The following KCNB2 variants were observed in gnomAD, a reference collection of about 807,000 sequenced individuals.
KCNB2 encodes potassium voltage-gated channel subfamily B member 2, also known as delayed rectifier potassium channel protein.
Under a neutral mutation model 61.5 loss-of-function variants are expected in KCNB2, and 15 were observed. That is an observed-to-expected ratio of 0.24 (90% confidence interval 0.16 to 0.38). The LOEUF (loss-of-function observed/expected upper bound fraction) is 0.38. Among genes scored for constraint, KCNB2 ranks in the 10% least tolerant of loss-of-function variants. The pLI is 1.00. For missense variants in KCNB2, 828 were observed against 1,125.2 expected, an observed-to-expected ratio of 0.74 and a Z score of 3.78; for synonymous variants, 457 against 446.0, an observed-to-expected ratio of 1.02 and a Z score of -0.31.
intron 2 of KCNB2, among the ~76,000 whole-genome samples, chr8:72,871,861 C>T (rs138983174): frequency 6.6e-6 from 1 of 152,194 alleles, no homozygotes; most frequent in East Asian, 1.9e-4. Flanking sequence ...TATAGGAGAT[C>T]CAGTAGAATA....
chr8:72,604,262 A>G (rs961089410), intron 2 of KCNB2, among the ~76,000 whole-genome samples: 3 of 152,154 alleles, frequency 2.0e-5, no homozygotes, highest in Admixed American at 2.0e-4. Context: ...CCTATACACA[A>G]TGAATGCTCC....
At chr8:72,772,668 G>A (rs1363864229) in intron 2 of KCNB2, among the ~76,000 whole-genome samples, 1 of 152,122 alleles carries the variant, frequency 6.6e-6, no homozygotes, top group Admixed American at 6.5e-5. Flanking sequence ...CTGTAGTGTG[G>A]TGGTAGGAAA....
chr8:72,722,596 G>A (rs1807570291), intron 2 of KCNB2, among the ~76,000 whole-genome samples: 1 of 152,178 alleles, frequency 6.6e-6, no homozygotes, highest in Non-Finnish European at 1.5e-5. Flanking sequence ...ATCAGTGTCT[G>A]TAAGCTCCAG....
intron 2 of KCNB2, among the ~76,000 whole-genome samples, chr8:72,788,956 G>C (rs1283648438): frequency 6.6e-6 from 1 of 152,030 alleles, no homozygotes; most frequent in East Asian, 1.9e-4. Flanking sequence ...TATCTTTATT[G>C]ATTCTTCCAT....
At chr8:72,824,761 G>C (rs1470417666) in intron 2 of KCNB2, among the ~76,000 whole-genome samples, 1 of 152,168 alleles carries the variant, frequency 6.6e-6, no homozygotes, top group Non-Finnish European at 1.5e-5. Context: ...GACCTGCAAT[G>C]AAGGAGGGAG....
chr8:72,577,676 C>G (rs1317694030), intron 2 of KCNB2, among the ~76,000 whole-genome samples: 1 of 152,192 alleles, frequency 6.6e-6, no homozygotes, highest in African/African-American at 2.4e-5. Context: ...ACTCGTGATG[C>G]AACCCCAAGT....
chr8:72,711,062 T>A (rs2128991810), intron 2 of KCNB2, among the ~76,000 whole-genome samples: 1 of 152,368 alleles, frequency 6.6e-6, no homozygotes, highest in South Asian at 2.1e-4. Context: ...GCAGAGGGGC[T>A]CTTCTGAGCA....
chr8:72,771,165 G>C (rs977788478), intron 2 of KCNB2, among the ~76,000 whole-genome samples: 1 of 152,174 alleles, frequency 6.6e-6, no homozygotes, highest in East Asian at 1.9e-4. Flanking sequence ...AATTAAGGAA[G>C]GGATACATTA....
At chr8:72,836,092 A>C (rs963575037) in intron 2 of KCNB2, among the ~76,000 whole-genome samples, 4 of 152,228 alleles carry the variant, frequency 2.6e-5, no homozygotes, top group African/African-American at 9.6e-5. Context: ...TGCCACATCT[A>C]TTCCACTTCT....
chr8:72,726,681 T>C (rs916434624), intron 2 of KCNB2, among the ~76,000 whole-genome samples: 1 of 152,248 alleles, frequency 6.6e-6, no homozygotes, highest in Non-Finnish European at 1.5e-5. Context: ...ACAGGTTATT[T>C]GTCTTTCGTT....
chr8:72,653,554 A>G (rs1806244163), intron 2 of KCNB2, among the ~76,000 whole-genome samples: 1 of 152,132 alleles, frequency 6.6e-6, no homozygotes, highest in Non-Finnish European at 1.5e-5. Flanking sequence ...CCATGAGGTC[A>G]GGAACTTTGT....
At chr8:72,900,716 A>C (rs1202059670) in intron 2 of KCNB2, among the ~76,000 whole-genome samples, 1 of 152,226 alleles carries the variant, frequency 6.6e-6, no homozygotes, top group Non-Finnish European at 1.5e-5. Context: ...AAAAGAAGAC[A>C]TACAAGTGTC....
intron 2 of KCNB2, among the ~76,000 whole-genome samples, chr8:72,599,035 T>C (rs1333615688): frequency 1.3e-5 from 2 of 152,198 alleles, no homozygotes; most frequent in Admixed American, 6.6e-5. Context: ...AGGTAATTTA[T>C]AGATTCAATG....
intron 2 of KCNB2, among the ~76,000 whole-genome samples, chr8:72,860,047 C>T (rs1232313301): frequency 6.6e-6 from 1 of 152,090 alleles, no homozygotes; most frequent in African/African-American, 2.4e-5. Flanking sequence ...AAGCAATATG[C>T]CATTGCATAG....
intron 2 of KCNB2, among the ~76,000 whole-genome samples, chr8:72,797,921 A>G (rs1161805901): frequency 3.9e-5 from 6 of 152,194 alleles, no homozygotes; most frequent in Admixed American, 6.5e-5. Flanking sequence ...TTAAAATTTT[A>G]TATCTGTGTC....
chr8:72,820,029 A>G (rs1024368057), intron 2 of KCNB2, among the ~76,000 whole-genome samples: 1 of 151,694 alleles, frequency 6.6e-6, no homozygotes, highest in African/African-American at 2.4e-5. Flanking sequence ...ACAAACTCCC[A>G]TCTTGTAGGC....
At chr8:72,780,696 T>TGCC (rs1338941971) in intron 2 of KCNB2, among the ~76,000 whole-genome samples, 1 of 152,206 alleles carries the variant, frequency 6.6e-6, no homozygotes, top group Non-Finnish European at 1.5e-5. Flanking sequence ...TGTGCATGTA[T>TGCC]CTTTATAACA....
intron 2 of KCNB2, among the ~76,000 whole-genome samples, chr8:72,598,700 T>C (rs958032104): frequency 3.9e-5 from 6 of 151,994 alleles, no homozygotes; most frequent in Non-Finnish European, 8.8e-5. Context: ...ATCTAGAAAA[T>C]CCCAGCATCT....
intron 2 of KCNB2, among the ~76,000 whole-genome samples, chr8:72,882,241 C>T (rs192219373): frequency 5.8e-4 from 89 of 152,228 alleles, no homozygotes; most frequent in African/African-American, 1.7e-3. Flanking sequence ...ACTCATGGGC[C>T]GCCTATACCA....
Sources: gnomAD v4.1 joint callset for allele counts (sites outside exome capture counted in the v4.1 genomes callset) on GRCh38, gnomAD v4.1.1 for gene constraint, MANE v1.5 for transcripts, NCBI Gene and HGNC (gene_info 2026-07-23, HGNC 2026-07-21) for gene names.